The following EXOC6B variants were observed in gnomAD, a reference collection of about 807,000 sequenced individuals.
The protein encoded by EXOC6B is SEC15 homolog B.
A neutral mutation model predicts 113.5 loss-of-function variants in EXOC6B; 54 were observed. That is an observed-to-expected ratio of 0.48 (90% CI 0.38 to 0.60). The LOEUF is 0.60. Among genes scored for constraint, EXOC6B ranks in the 20% least tolerant of loss-of-function variants. EXOC6B has a pLI of 0.00. For missense variants in EXOC6B, 797 were observed against 977.5 expected, an observed-to-expected ratio of 0.82 and a Z score of 2.46; for synonymous variants, 357 against 339.0, an observed-to-expected ratio of 1.05 and a Z score of -0.58.
chr2:72,509,451 A>T (rs892414789), intron 11 of EXOC6B, among the ~76,000 whole-genome samples: 1 of 152,208 alleles, frequency 6.6e-6, no homozygotes, highest in Non-Finnish European at 1.5e-5. Flanking sequence ...GCTAAAATAA[A>T]TTTTTTATGG....
At chr2:72,753,709 T>A (rs1352995576) in intron 1 of EXOC6B, among the ~76,000 whole-genome samples, 1 of 152,132 alleles carries the variant, frequency 6.6e-6, no homozygotes, top group Admixed American at 6.6e-5. Context: ...ATGCCCTCCA[T>A]GTCCAGCATT....
At chr2:72,635,435 T>C (rs1466742157) in intron 6 of EXOC6B, among the ~76,000 whole-genome samples, 2 of 152,158 alleles carry the variant, frequency 1.3e-5, no homozygotes, top group East Asian at 1.9e-4. Flanking sequence ...GAAAAGACTC[T>C]ACACATATAA....
At chr2:72,525,241 CAG>C (rs1213667682) in intron 8 of EXOC6B, among the ~76,000 whole-genome samples, 1 of 152,202 alleles carries the variant, frequency 6.6e-6, no homozygotes, top group Admixed American at 6.5e-5. Flanking sequence ...CTTTCCAAGA[CAG>C]AGTGTTAATT....
intron 18 of EXOC6B, among the ~76,000 whole-genome samples, chr2:72,440,953 G>A (rs55825364): frequency 0.22 from 33,934 of 151,994 alleles, 6,161 homozygotes; most frequent in African/African-American, 0.5. Flanking sequence ...ATTACACAAT[G>A]GTAAAGAGTA....
At chr2:72,374,322 G>GT (rs879352650) in intron 19 of EXOC6B, among the ~76,000 whole-genome samples, 3 of 152,046 alleles carry the variant, frequency 2.0e-5, no homozygotes, top group Non-Finnish European at 2.9e-5. Context: ...AGAAACTGTG[G>GT]TACTTACACA....
chr2:72,538,336 G>A (rs1271375380), intron 8 of EXOC6B, among the ~76,000 whole-genome samples: 4 of 151,992 alleles, frequency 2.6e-5, no homozygotes, highest in African/African-American at 7.3e-5. Flanking sequence ...GATAAGCAGC[G>A]ATGTTCAACA....
At chr2:72,563,480 A>C (rs1704000277) in intron 7 of EXOC6B, among the ~76,000 whole-genome samples, 1 of 152,140 alleles carries the variant, frequency 6.6e-6, no homozygotes, top group Non-Finnish European at 1.5e-5. Context: ...ATATTCTATA[A>C]ATATGGCACC....
chr2:72,201,249 G>A lies in EXOC6B; in HGVS notation c.2197-17062C>T, dbSNP rs1031336397. On this transcript the variant is annotated intron_variant, in intron 20 of 21. Transcript: ENST00000272427. ...TAACTGCCAAATAGTGTTTTCCACC[G>A]CAGAAGTATACTTAAATATACTACA... is the stretch of plus-strand genomic sequence containing the variant. 4.6e-5 allele frequency among the ~76,000 whole-genome samples: 7 copies of A among 152,000 alleles called. 1 individual carries two copies. Among genetic ancestry groups the A allele is most frequent in the Admixed American group, 6.6e-5 (1 of 15,256 alleles).
At chr2:72,727,952 G>C (rs1418748483) in intron 5 of EXOC6B, among the ~76,000 whole-genome samples, 3 of 152,000 alleles carry the variant, frequency 2.0e-5, no homozygotes, top group Non-Finnish European at 4.4e-5. Flanking sequence ...AAGTAGATGA[G>C]AGAAAACCCA....
intron 6 of EXOC6B, among the ~76,000 whole-genome samples, chr2:72,618,564 C>G (rs1671545075): frequency 6.6e-6 from 1 of 152,092 alleles, no homozygotes; most frequent in Non-Finnish European, 1.5e-5. Flanking sequence ...AACATTCTCC[C>G]TATTGTAATA....
At chr2:72,550,800 C>A (rs375046809) in intron 8 of EXOC6B, among the ~76,000 whole-genome samples, 2 of 151,994 alleles carry the variant, frequency 1.3e-5, no homozygotes, top group Non-Finnish European at 2.9e-5. Flanking sequence ...GAGACCAGAA[C>A]CCCTATCTAC....
At chr2:72,496,929 A>C (rs1360591208) in intron 13 of EXOC6B, among the ~76,000 whole-genome samples, 1 of 146,946 alleles carries the variant, frequency 6.8e-6, no homozygotes, top group East Asian at 2.0e-4. Context: ...TGTTTGGTTT[A>C]ATATGATATA....
chr2:72,722,165 C>G (rs545363221), intron 5 of EXOC6B, among the ~76,000 whole-genome samples: 1 of 151,878 alleles, frequency 6.6e-6, no homozygotes, highest in South Asian at 2.1e-4. Flanking sequence ...AAAATAAATA[C>G]AAAAATGTTA....
At chr2:72,437,462 G>A (rs1695948011) in intron 18 of EXOC6B, among the ~76,000 whole-genome samples, 1 of 152,198 alleles carries the variant, frequency 6.6e-6, no homozygotes, top group African/African-American at 2.4e-5. Flanking sequence ...AGAGCTGGCA[G>A]GCAGGAATAT....
At chr2:72,797,647 C>A (rs991975270) in intron 1 of EXOC6B, among the ~76,000 whole-genome samples, 3 of 152,104 alleles carry the variant, frequency 2.0e-5, no homozygotes, top group African/African-American at 7.2e-5. Context: ...AACCCCATCT[C>A]TACTAAAAAT....
rs115548739 is a variant in EXOC6B, at chr2:72,270,831, C to T, written c.2196+64116G>A. 1.9e-3 allele frequency among the ~76,000 whole-genome samples: 288 copies of T among 152,032 alleles called. 1 individual carries two copies. The highest frequency in any genetic ancestry group is 3.8e-3 in the Non-Finnish European group (260 of 67,976). ...TCAGAAAATGAATAAAATTGAATTT[C>T]CTTTGTATTAAGCCTCACCTAAATG... On this transcript the variant is annotated intron_variant, in intron 20 of 21. Coordinates refer to ENST00000272427, the MANE Select transcript of EXOC6B (RefSeq NM_015189.3).
rs759837899 is a variant in EXOC6B at position 72,619,843 on chromosome 2, G to T, written c.670-44175C>A. ...GAGCTAGCAGGGGGATCTCCCCAGG[G>T]AGCAGGCAGAGACAGGCTTTCAGAT... On this transcript the variant is annotated intron_variant, in intron 6 of 21. Transcript: ENST00000272427. Among the ~76,000 whole-genome samples, 37 of 152,312 alleles carry T rather than the reference G, an allele frequency of 2.4e-4. No homozygotes were observed. The Middle Eastern group carries it at 0.02, about 84-fold the overall frequency.
intron 18 of EXOC6B, among the ~76,000 whole-genome samples, chr2:72,434,158 T>C (rs753977285): frequency 6.6e-6 from 1 of 152,354 alleles, no homozygotes; most frequent in South Asian, 2.1e-4. Context: ...TCCATTGAGA[T>C]AATCATGTGG....
At chr2:72,268,905 AC>A (rs1684304751) in intron 20 of EXOC6B, among the ~76,000 whole-genome samples, 1 of 152,212 alleles carries the variant, frequency 6.6e-6, no homozygotes, top group African/African-American at 2.4e-5. Flanking sequence ...AGCCTACAGA[AC>A]AATGAACCAA....
Sources: allele counts gnomAD v4.1 joint callset (sites outside exome capture counted in the v4.1 genomes callset), GRCh38; gene constraint gnomAD v4.1.1; transcripts MANE v1.5; gene names NCBI Gene and HGNC (gene_info 2026-07-23, HGNC 2026-07-21).